The following KASH5 variants were observed in gnomAD, a reference collection of about 807,000 sequenced individuals.
KASH5 encodes the protein protein KASH5.
Under a neutral mutation model 84.2 loss-of-function variants are expected in KASH5, and 72 were observed. The observed-to-expected ratio is 0.85, with a 90% CI of 0.71 to 1.04. The LOEUF is 1.04. KASH5 is among the 50% of genes least tolerant of loss of function. KASH5 has a pLI of 0.00. For missense variants in KASH5, 650 were observed against 701.0 expected (o/e 0.93, Z 0.82); for synonymous variants, 260 against 279.1 (o/e 0.93, Z 0.68).
At chr19:49,400,262 A>G (rs1974319630) in intron 9 of KASH5, among the ~76,000 whole-genome samples, 1 of 150,078 alleles carries the variant, frequency 6.7e-6, no homozygotes, top group African/African-American at 2.4e-5. Context: ...ATTTGAAGTC[A>G]ACCTTGAGTT....
chr19:49,415,186 C>T, intron 17 of KASH5, 190 bp downstream of exon 17: 1 of 654,412 alleles, frequency 1.5e-6, no homozygotes, highest in Non-Finnish European at 2.7e-6. Context: ...TGGGGGGAGG[C>T]CTGGAGGCTA....
chr19:49,402,008 G>A (rs1186178906), intron 9 of KASH5, among the ~76,000 whole-genome samples: 3 of 150,972 alleles, frequency 2.0e-5, no homozygotes, highest in Non-Finnish European at 4.4e-5. Flanking sequence ...TTGGGAGGCC[G>A]AGGTGGGTGG....
intron 12 of KASH5, 109 bp from the exon 13 acceptor site, chr19:49,408,858 C>G (rs1974616801): frequency 1.8e-6 from 2 of 1,125,926 alleles, no homozygotes; most frequent in Non-Finnish European, 2.6e-6. Context: ...GTCTGGGGAG[C>G]CCAAAGTAGT....
At chr19:49,413,237 T>G (rs773044603) in intron 16 of KASH5, among the ~76,000 whole-genome samples, 1 of 152,162 alleles carries the variant, frequency 6.6e-6, no homozygotes, top group Non-Finnish European at 1.5e-5. Context: ...TGACCCTGCC[T>G]TGGGGGAGGG....
rs1480094114 is a variant in KASH5 at position 49,399,550 on chromosome 19, T to C, written c.798+43T>C. On this transcript the variant is annotated intron_variant, in intron 9 of 19. Transcript: ENST00000447857. The surrounding 1 kb of genome is among the most constrained non-coding windows in gnomAD (Gnocchi z 4.4). ...ACCACCCCCACCCCTTCCCCAGTCCTTAAGGTCTTCTTGACACCACTCCCT... is the reference window on the plus strand; with the variant it reads ...ACCACCCCCACCCCTTCCCCAGTCCCTAAGGTCTTCTTGACACCACTCCCT... The C allele has an allele frequency of 6.3e-7, 1 of 1,575,312 alleles. No homozygotes were observed. Among genetic ancestry groups the C allele is most frequent in the South Asian group, 1.2e-5 (1 of 86,026 alleles).
Position 49,395,185 on chromosome 19 carries a change from A to G in KASH5, c.228A>G (p.Thr76=), listed in dbSNP as rs1974134606. The change falls in exon 4 of 20, where the codon ACA becomes ACG. Residue 76 remains threonine (T), a synonymous_variant. Coordinates refer to ENST00000447857, the MANE Select transcript of KASH5 (RefSeq NM_144688.5). The surrounding 1 kb of genome is among the most constrained non-coding windows in gnomAD (Gnocchi z 4.4). The part of the protein sequence containing the change: ...GQGPQDARLQ[T]LANSLDPNGE... ...GCCCCCAGGATGCACGCCTCCAAACATTGGCCAACAGCCTGGACCCCAATG... is the reference window on the plus strand; with the variant it reads ...GCCCCCAGGATGCACGCCTCCAAACGTTGGCCAACAGCCTGGACCCCAATG... 1 of 1,612,694 alleles carries G rather than the reference A, an allele frequency of 6.2e-7. No individual in the cohort carries two copies. The highest frequency in any genetic ancestry group is 8.5e-7 in the Non-Finnish European group (1 of 1,179,470).
Position 49,394,348 on chromosome 19 carries a change from G to C in KASH5, c.44-128G>C, listed in dbSNP as rs1056584229. ...TGAAGCTTCCTGCTGTTCCCCACCC[G>C]CCCGAACTCTCAGTGCTCTGAGTGA... On this transcript the variant is annotated intron_variant, in intron 2 of 19. Coordinates refer to ENST00000447857, the MANE Select transcript of KASH5 (RefSeq NM_144688.5). 1.1e-5 allele frequency: 7 copies of C among 655,332 alleles called. No individual in the cohort carries two copies. The African/African-American group carries it at 1.1e-4, about 10-fold the overall frequency. 40.6% of individuals were successfully genotyped at this position (655,332 alleles called of 1,614,324 possible).
chr19:49,394,152 CCTCT>C (rs993646551), intron 2 of KASH5, among the ~76,000 whole-genome samples: 6 of 152,170 alleles, frequency 3.9e-5, no homozygotes, highest in African/African-American at 1.4e-4. Flanking sequence ...CGACCCTGTC[CCTCT>C]CTGAGTCCAG....
chr19:49,413,095 T>C lies in KASH5; in HGVS notation c.1328+69T>C, dbSNP rs529687464. The C allele has an allele frequency of 1.2e-4, 170 of 1,465,864 alleles. 1 individual carries two copies. Among genetic ancestry groups the C allele is most frequent in the Middle Eastern group, 2.0e-4 (1 of 5,016 alleles). 90.8% of individuals were successfully genotyped at this position (1,465,864 alleles called of 1,614,324 possible). ...TCACAGCTGTTTACAGTAGGAGGAC[T>C]GGATGTGCCCTGAGGGGATCGGCAT... On this transcript the variant is annotated intron_variant, in intron 16 of 19. Transcript: ENST00000447857.
chr19:49,406,698 G>A (rs1028779065), intron 9 of KASH5, among the ~76,000 whole-genome samples, 188 bp from the exon 10 acceptor site: 1 of 152,068 alleles, frequency 6.6e-6, no homozygotes, highest in Non-Finnish European at 1.5e-5. Flanking sequence ...ATAGATGGGG[G>A]AGCCACACTC....
rs1212607810 is a variant in KASH5 at position 49,399,289 on chromosome 19, C to A, written c.747+147C>A. 3 of 948,348 alleles carry A rather than the reference C, an allele frequency of 3.2e-6. No homozygotes were observed. Among genetic ancestry groups the A allele is most frequent in the African/African-American group, 1.6e-5 (1 of 60,608 alleles). 58.7% of individuals were successfully genotyped at this position (948,348 alleles called of 1,614,324 possible). Reference sequence around the variant, plus strand: ...AGGCCCTGCTCACCCTAGACTTTTTCAAGCTTACCTGCCATCCTTCTCATG... The same window carrying A: ...AGGCCCTGCTCACCCTAGACTTTTTAAAGCTTACCTGCCATCCTTCTCATG... On this transcript the variant is annotated intron_variant, in intron 8 of 19. Transcript: ENST00000447857. This position sits in a 1 kb window ranked among gnomAD's most constrained non-coding sequence, Gnocchi z 4.4.
intron 15 of KASH5, among the ~76,000 whole-genome samples, chr19:49,411,468 C>T (rs959401545): frequency 6.6e-6 from 1 of 152,180 alleles, no homozygotes; most frequent in African/African-American, 2.4e-5. Context: ...AGGCAGGCAT[C>T]CTCATCTTGT....
In KASH5 at chr19:49,416,907, T is replaced by C; in HGVS notation, c.1375-108T>C. On this transcript the variant is annotated intron_variant, in intron 17 of 19. Transcript: ENST00000447857. This position sits in a 1 kb window ranked among gnomAD's most constrained non-coding sequence, Gnocchi z 5.4. The stretch of plus-strand genomic sequence containing the variant: ...GGCAGCAGAAGTGCACTCACTTATC[T>C]CCTGAGCTCCACCACTTTCTATGTG... 4 of 1,120,730 alleles carry C rather than the reference T, an allele frequency of 3.6e-6. No individual in the cohort carries two copies. The highest frequency in any genetic ancestry group is 5.3e-6 in the Non-Finnish European group (4 of 761,210). The allele number at this position is 1,120,730 out of a possible 1,614,324, so 69.4% of individuals were successfully genotyped here. A position where few individuals can be genotyped will look rare whatever the true frequency, so the allele number is the denominator to read the frequency against.
At position 49,412,050 on chromosome 19, in the gene KASH5, G is replaced by A. The variant is rs1222094273; in HGVS notation, c.1270-918G>A. Among the ~76,000 whole-genome samples the A allele has an allele frequency of 2.0e-5, 3 of 152,208 alleles. No homozygotes were observed. Among genetic ancestry groups the A allele is most frequent in the South Asian group, 2.1e-4 (1 of 4,834 alleles). Reference sequence around the variant, plus strand: ...CATAAAATCACGATATGCTTGAGGAGTAGAGGGTAACTAGGGGTGACTAGT... The same window carrying A: ...CATAAAATCACGATATGCTTGAGGAATAGAGGGTAACTAGGGGTGACTAGT... On this transcript the variant is annotated intron_variant, in intron 15 of 19. Transcript: ENST00000447857. This position sits in a 1 kb window ranked among gnomAD's most constrained non-coding sequence, Gnocchi z 4.6.
intron 5 of KASH5, among the ~76,000 whole-genome samples, chr19:49,396,767 TA>T (rs1261947614): frequency 1.4e-5 from 2 of 144,070 alleles, no homozygotes; most frequent in East Asian, 4.0e-4. Context: ...AGGTGCTCCA[TA>T]AAAAAAGTGG....
At chr19:49,410,208 A>G (rs1398682313) in intron 15 of KASH5, among the ~76,000 whole-genome samples, 1 of 152,250 alleles carries the variant, frequency 6.6e-6, no homozygotes, top group Non-Finnish European at 1.5e-5. Flanking sequence ...GGAATAAGTA[A>G]GTTGTTTATT....
At chr19:49,415,991 G>C (rs1359698145) in intron 17 of KASH5, among the ~76,000 whole-genome samples, 1 of 152,206 alleles carries the variant, frequency 6.6e-6, no homozygotes, top group Admixed American at 6.5e-5. Context: ...GGATGAGGCG[G>C]TGCAGTGGGT....
At chr19:49,415,199 G>T (rs186139513) in intron 17 of KASH5, 418 of 622,436 alleles carry the variant, frequency 6.7e-4, no homozygotes, top group African/African-American at 6.6e-3. Flanking sequence ...GGAGGCTAGT[G>T]GGCGGCCAGG....
rs564003299 is a variant in KASH5 at position 49,395,673 on chromosome 19, C to T, written c.336-96C>T. 4.4e-5 allele frequency: 56 copies of T among 1,279,832 alleles called. No homozygotes were observed. In the East Asian group the frequency reaches 4.8e-4, roughly 11 times the overall value. 79.3% of individuals were successfully genotyped at this position (1,279,832 alleles called of 1,614,324 possible). A position where few individuals can be genotyped will look rare whatever the true frequency, so the allele number is the denominator to read the frequency against. On this transcript the variant is annotated intron_variant, in intron 4 of 19. Coordinates refer to ENST00000447857, the MANE Select transcript of KASH5 (RefSeq NM_144688.5). This position sits in a 1 kb window ranked among gnomAD's most constrained non-coding sequence, Gnocchi z 4.4. ...CTGTGGTGCCAGCTCTCACCTGACCCGGTCCCCTCCTCCCACCTGCAATCC... is the reference window on the plus strand; with the variant it reads ...CTGTGGTGCCAGCTCTCACCTGACCTGGTCCCCTCCTCCCACCTGCAATCC...
Sources: gnomAD v4.1 joint callset for allele counts (sites outside exome capture counted in the v4.1 genomes callset) on GRCh38, gnomAD v4.1.1 for gene constraint, Gnocchi (gnomAD v3.1) non-coding constraint, MANE v1.5 for transcripts, NCBI Gene and HGNC (gene_info 2026-07-23, HGNC 2026-07-21) for gene names.